Variants in FAM118A observed in about 807,000 individuals in gnomAD.
FAM118A encodes the protein SIR2 antiphage like 2, also known as protein FAM118A.
Under a neutral mutation model 38.2 loss-of-function variants are expected in FAM118A, and 25 were observed. That is an observed-to-expected ratio of 0.65 (90% CI 0.48 to 0.91). The LOEUF (loss-of-function observed/expected upper bound fraction) is 0.91, where lower values mean the gene tolerates loss of function less well. FAM118A is among the 40% of genes least tolerant of loss of function. The pLI is 0.00. For missense variants in FAM118A, 425 were observed against 463.3 expected, an observed-to-expected ratio of 0.92 and a Z score of 0.76; for synonymous variants, 178 against 184.1, an observed-to-expected ratio of 0.97 and a Z score of 0.27.
intron 1 of FAM118A, among the ~76,000 whole-genome samples, chr22:45,313,654 G>A (rs548337392): frequency 8.3e-4 from 126 of 152,186 alleles, no homozygotes; most frequent in Non-Finnish European, 4.4e-4. Flanking sequence ...TGTGGCAGAC[G>A]GTATGGATTA....
At chr22:45,329,159 A>T (rs2085524907) in intron 4 of FAM118A, 1 of 152,332 alleles carries the variant, frequency 6.6e-6, no homozygotes, top group Non-Finnish European at 1.5e-5. Context: ...TCCAGACTAT[A>T]TCAGTTAGCA....
At chr22:45,327,603 C>T (rs2085371840) in intron 3 of FAM118A, among the ~76,000 whole-genome samples, 1 of 152,214 alleles carries the variant, frequency 6.6e-6, no homozygotes, top group Non-Finnish European at 1.5e-5. Flanking sequence ...GTCCTGTCCA[C>T]CTCCCCTGAC....
At chr22:45,337,813 C>T in intron 8 of FAM118A, 1 of 985,312 alleles carries the variant, frequency 1.0e-6, no homozygotes, top group Non-Finnish European at 1.2e-6. Context: ...GGGTCGCCTC[C>T]TGAGGGCCAT....
Position 45,337,858 on chromosome 22 carries a change from C to A in FAM118A, c.1054+1447C>A, listed in dbSNP as rs189218490. 544 of 985,340 alleles carry A rather than the reference C, an allele frequency of 5.5e-4. 1 individual carries two copies. The African/African-American group carries it at 8.6e-3, about 16-fold the overall frequency. 61.0% of individuals were successfully genotyped at this position (985,340 alleles called of 1,614,324 possible). On this transcript the variant is annotated intron_variant, in intron 8 of 8. Coordinates refer to ENST00000441876, the MANE Select transcript of FAM118A (RefSeq NM_017911.4). ...GGTGTCTGTGCCATCCTCATGCTCG[C>A]GGGAGTTTTGGCATGGGATTCTCCG...
intron 2 of FAM118A, 74 bp downstream of exon 2, chr22:45,322,500 G>T (rs188717545): frequency 1.5e-6 from 2 of 1,307,774 alleles, no homozygotes; most frequent in Non-Finnish European, 1.1e-6. Flanking sequence ...GTGCGCACTC[G>T]TTCTTTAGTA....
intron 4 of FAM118A, chr22:45,329,661 G>C (rs974450290): frequency 6.6e-6 from 1 of 152,398 alleles, no homozygotes; most frequent in Admixed American, 6.5e-5. Context: ...ACGGGGGCAG[G>C]GCCGCCTGAG....
At chr22:45,313,326 T>G (rs1434131743) in intron 1 of FAM118A, among the ~76,000 whole-genome samples, 3 of 150,342 alleles carry the variant, frequency 2.0e-5, no homozygotes, top group African/African-American at 4.9e-5. Flanking sequence ...AGGGTTTTTT[T>G]TTTTTTTTTT....
At chr22:45,328,439 C>A in intron 4 of FAM118A, 1 of 962,428 alleles carries the variant, frequency 1.0e-6, no homozygotes, top group Non-Finnish European at 1.7e-6. Context: ...GAGTTCTGTG[C>A]CCTGGGAGCT....
intron 2 of FAM118A, 125 bp from the exon 3 acceptor site, chr22:45,323,049 GT>G: frequency 1.1e-6 from 1 of 924,438 alleles, no homozygotes; most frequent in Non-Finnish European, 1.6e-6. Flanking sequence ...GACTGTGTGT[GT>G]GTGTGTGTGT....
chr22:45,327,943 C>A lies in FAM118A; in HGVS notation c.402C>A (p.Ile134=), dbSNP rs749549004. ...HIRSPVVLQS[I]LSLMDRGAMV... is the part of the protein sequence containing the mutation. ...GGAGTCCTGTGGTGCTGCAGTCGAT[C>A]CTCAGCCTGATGGACAGGGGCGCCA... Residue 134 remains isoleucine (I), a synonymous_variant, in exon 4 of 9, where the codon ATC becomes ATA. Coordinates refer to ENST00000441876, the MANE Select transcript of FAM118A (RefSeq NM_017911.4). The A allele has an allele frequency of 6.2e-7, 1 of 1,614,208 alleles. No individual in the cohort carries two copies. Among genetic ancestry groups the A allele is most frequent in the South Asian group, 1.1e-5 (1 of 91,088 alleles).
At chr22:45,313,029 T>A (rs753253772) in intron 1 of FAM118A, among the ~76,000 whole-genome samples, 3 of 152,202 alleles carry the variant, frequency 2.0e-5, no homozygotes, top group Non-Finnish European at 2.9e-5. Context: ...AATCCTGCCT[T>A]GGTCTTTCTG....
rs2085993450 is a variant in FAM118A at position 45,335,122 on chromosome 22, C to A, written c.938-228C>A. On this transcript the variant is annotated intron_variant, in intron 6 of 8. Coordinates refer to ENST00000441876, the MANE Select transcript of FAM118A (RefSeq NM_017911.4). ...ACAGTCATGCTAGTGATCGCGGACA[C>A]CACACCATGCTGCCTTTGCCAGCTG... is the stretch of plus-strand genomic sequence containing the variant. 5.4e-6 allele frequency: 3 copies of A among 553,352 alleles called. No homozygotes were observed. The South Asian group carries it at 7.5e-5, about 14-fold the overall frequency. 34.3% of individuals were successfully genotyped at this position (553,352 alleles called of 1,614,324 possible).
At chr22:45,330,463 T>G in intron 4 of FAM118A, 140 bp from the exon 5 acceptor site, 2 of 927,540 alleles carry the variant, frequency 2.2e-6, no homozygotes, top group African/African-American at 1.7e-5. Flanking sequence ...GTTTTGAAGG[T>G]ATAAGTGTAA....
chr22:45,334,739 GAGCAAA>G (rs1221015502), intron 6 of FAM118A, among the ~76,000 whole-genome samples: 1 of 152,198 alleles, frequency 6.6e-6, no homozygotes, highest in Non-Finnish European at 1.5e-5. Context: ...CCTGACTGCA[GAGCAAA>G]ATACACCATT....
In FAM118A at chr22:45,320,754, A is replaced by C. The variant is rs117550194; in HGVS notation, c.-9-1617A>C. Among the ~76,000 whole-genome samples the C allele has an allele frequency of 1.1e-4, 16 of 152,300 alleles. 1 individual carries two copies. In the East Asian group the frequency reaches 2.5e-3, roughly 24 times the overall value. The stretch of plus-strand genomic sequence containing the variant: ...TACTCTGCCAAAGTCATTTTCAGTC[A>C]GTGCTGGTTTGGATGTGGCAAAGCG... On this transcript the variant is annotated intron_variant, in intron 1 of 8. Transcript: ENST00000441876.
At chr22:45,338,970 G>A (rs553585800) in intron 8 of FAM118A, among the ~76,000 whole-genome samples, 30 of 152,344 alleles carry the variant, frequency 2.0e-4, no homozygotes, top group African/African-American at 7.0e-4. Context: ...TAGCACAAGC[G>A]AGGGCTGGTG....
At chr22:45,340,252 A>C (rs1602024995) in intron 8 of FAM118A, 134 bp from the exon 9 acceptor site, 4 of 947,146 alleles carry the variant, frequency 4.2e-6, no homozygotes. Flanking sequence ...TACTGTTTCC[A>C]TTGTGGAGGG....
chr22:45,313,038 TG>T (rs2084442130), intron 1 of FAM118A, among the ~76,000 whole-genome samples: 1 of 152,210 alleles, frequency 6.6e-6, no homozygotes, highest in Non-Finnish European at 1.5e-5. Context: ...TTGGTCTTTC[TG>T]GTGATAAGCC....
At chr22:45,317,949 G>C (rs1316502950) in intron 1 of FAM118A, among the ~76,000 whole-genome samples, 1 of 152,232 alleles carries the variant, frequency 6.6e-6, no homozygotes, top group African/African-American at 2.4e-5. Context: ...TCTGTGAGGG[G>C]CTGTAGAAGG....
Sources: gnomAD v4.1 joint callset for allele counts (sites outside exome capture counted in the v4.1 genomes callset) on GRCh38, gnomAD v4.1.1 for gene constraint, MANE v1.5 for transcripts, NCBI Gene and HGNC (gene_info 2026-07-23, HGNC 2026-07-21) for gene names.